RTTN: variants seen among roughly 807,000 people sequenced by gnomAD.
RTTN encodes rotatin.
RTTN carries 182 observed loss-of-function variants against 269.2 expected under a neutral mutation model. The ratio of observed to expected loss-of-function variants is 0.68; its 90% CI spans 0.60 to 0.76. The LOEUF is 0.76. Ranked by LOEUF, RTTN falls within the 30% of genes least tolerant of loss-of-function variation. The pLI is 0.00. For synonymous variants in RTTN, 1,006 were observed against 963.5 expected, an observed-to-expected ratio of 1.04 and a Z score of -0.82; for missense variants, 2,545 against 2,608.6, an observed-to-expected ratio of 0.98 and a Z score of 0.53.
chr18:70,137,073 G>A lies in RTTN; in HGVS notation c.2789-1793C>T, dbSNP rs566303723. On this transcript the variant is annotated intron_variant, in intron 21 of 48. Coordinates refer to ENST00000640769, the MANE Select transcript of RTTN (RefSeq NM_173630.4). ...AAAAATATATTCCTAATGATAACCA[G>A]AACAGTCTTCTTTGGGGAAATTGAG... Among the ~76,000 whole-genome samples, 38 of 152,244 alleles carry A rather than the reference G, an allele frequency of 2.5e-4. 1 individual carries two copies. In the South Asian group the frequency reaches 7.9e-3, roughly 32 times the overall value.
intron 27 of RTTN, among the ~76,000 whole-genome samples, chr18:70,112,520 A>C (rs910135066): frequency 2.7e-5 from 4 of 145,508 alleles, no homozygotes; most frequent in African/African-American, 5.0e-5. Context: ...TACCATCCTT[A>C]TCTCTGATAC....
chr18:70,054,566 A>G (rs568337352), intron 37 of RTTN, among the ~76,000 whole-genome samples: 1 of 152,306 alleles, frequency 6.6e-6, no homozygotes, highest in East Asian at 1.9e-4. Flanking sequence ...TGTGGTAGCT[A>G]ACACACCTGT....
Position 70,176,747 on chromosome 18 carries a change from G to A in RTTN, c.1404C>T (p.His468=). 1 of 1,614,014 alleles carries A rather than the reference G, an allele frequency of 6.2e-7. No individual in the cohort carries two copies. Among genetic ancestry groups the A allele is most frequent in the Non-Finnish European group, 8.5e-7 (1 of 1,179,912 alleles). The change falls in exon 11 of 49, where the codon CAC becomes CAT. Residue 468 remains histidine, a synonymous_variant. Coordinates refer to ENST00000640769, the MANE Select transcript of RTTN (RefSeq NM_173630.4). ...AAATGCTGATAAAGGCCATTCTGTG[G>A]TGCACAAGCATCACCTCTGGCTGCT... ...SLEQPEVMLV[H]HRMAFISISL... is the part of the protein sequence containing the mutation.
chr18:70,010,788 T>C lies in RTTN; in HGVS notation c.6422-4304A>G, dbSNP rs149578692. Among the ~76,000 whole-genome samples the C allele has an allele frequency of 1.5e-3, 229 of 152,184 alleles. 1 individual carries two copies. Among genetic ancestry groups the C allele is most frequent in the African/African-American group, 5.4e-3 (226 of 41,516 alleles). On this transcript the variant is annotated intron_variant, in intron 46 of 48. Transcript: ENST00000640769. ...CACGAAAAACCCTTCAAAAAATCAA[T>C]GAATCCCGGAGCTGGTTTTTGGAAA...
chr18:70,181,426 G>A (rs1387794311), intron 10 of RTTN, among the ~76,000 whole-genome samples: 1 of 152,110 alleles, frequency 6.6e-6, no homozygotes, highest in African/African-American at 2.4e-5. Flanking sequence ...GGAGGACTAG[G>A]GGGAATGACA....
chr18:70,102,153 ATCTG>A lies in RTTN; in HGVS notation c.3903+7341_3903+7344del, dbSNP rs1217919630. Among the ~76,000 whole-genome samples the A allele has an allele frequency of 2.0e-5, 3 of 152,286 alleles. No individual in the cohort carries two copies. The South Asian group carries it at 6.2e-4, about 32-fold the overall frequency. On this transcript the variant is annotated intron_variant, in intron 28 of 48. Transcript: ENST00000640769. ...TCCTTGTTAACTTTCTGTCTCACTG[ATCTG>A]TCTAATGTTGACAGTGGGGTGTTAA...
intron 14 of RTTN, among the ~76,000 whole-genome samples, chr18:70,152,673 C>T (rs1035925446): frequency 2.6e-5 from 4 of 152,072 alleles, no homozygotes; most frequent in African/African-American, 9.7e-5. Context: ...CATCCTTGAT[C>T]ACTCTCTATC....
chr18:70,166,882 A>G, intron 13 of RTTN, 37 bp downstream of exon 13: 2 of 1,360,360 alleles, frequency 1.5e-6, no homozygotes, highest in Middle Eastern at 3.6e-4. Context: ...CTAAGTGTCC[A>G]ATAATAACGT....
chr18:70,170,471 C>T (rs1431098329), intron 11 of RTTN, among the ~76,000 whole-genome samples: 1 of 152,150 alleles, frequency 6.6e-6, no homozygotes, highest in East Asian at 1.9e-4. Context: ...GAAGGCCTCG[C>T]TAATAAGATG....
chr18:70,086,764 GA>G, intron 31 of RTTN, 80 bp from the exon 32 acceptor site: 1 of 1,256,944 alleles, frequency 8.0e-7, no homozygotes, highest in South Asian at 1.3e-5. Flanking sequence ...GGTCATCTCT[GA>G]AATAACCAAT....
chr18:70,203,895 T>C (rs969957558), intron 3 of RTTN, among the ~76,000 whole-genome samples, 191 bp downstream of exon 3: 3 of 152,072 alleles, frequency 2.0e-5, no homozygotes, highest in Non-Finnish European at 4.4e-5. Flanking sequence ...CAAAAAGCAA[T>C]TAATGCAAAT....
intron 34 of RTTN, among the ~76,000 whole-genome samples, chr18:70,072,881 T>G (rs1422909461): frequency 1.3e-5 from 2 of 152,094 alleles, no homozygotes; most frequent in Non-Finnish European, 2.9e-5. Flanking sequence ...AAGGAAAGCA[T>G]GACATCTAGT....
rs200114964 is a variant in RTTN at position 70,188,198 on chromosome 18, A to G, written c.1215T>C (p.Val405=). 3.5e-5 allele frequency: 57 copies of G among 1,606,230 alleles called. No homozygotes were observed. The highest frequency in any genetic ancestry group is 4.5e-5 in the Non-Finnish European group (53 of 1,173,702). The part of the protein sequence containing the change: ...RTGSRQVIIR[V]LELLTEDMTL... Reference sequence around the variant, plus strand: ...TCATATCCTCTGTAAGCAATTCCAGAACTCTTATTATCACTTGTCTGCTAC... The same window carrying G: ...TCATATCCTCTGTAAGCAATTCCAGGACTCTTATTATCACTTGTCTGCTAC... The change falls in exon 10 of 49, where the codon GTT becomes GTC. Residue 405 remains valine, a synonymous_variant. Coordinates refer to ENST00000640769, the MANE Select transcript of RTTN (RefSeq NM_173630.4).
At chr18:70,199,550 T>C (rs754944960) in intron 4 of RTTN, 46 bp from the exon 5 acceptor site, 2 of 1,294,834 alleles carry the variant, frequency 1.5e-6, no homozygotes, top group Non-Finnish European at 2.2e-6. Flanking sequence ...AATAAAGAGA[T>C]GACAGATTCA....
At chr18:70,047,855 T>C (rs570573500) in intron 40 of RTTN, 116 bp downstream of exon 40, 1 of 779,102 alleles carries the variant, frequency 1.3e-6, no homozygotes, top group African/African-American at 1.7e-5. Flanking sequence ...ACAGTCATAA[T>C]AAGCATTACT....
chr18:70,076,399 T>C (rs2058431008), intron 32 of RTTN, among the ~76,000 whole-genome samples: 1 of 152,002 alleles, frequency 6.6e-6, no homozygotes, highest in Non-Finnish European at 1.5e-5. Flanking sequence ...CAAGTTGACC[T>C]TTAACCATAA....
intron 37 of RTTN, among the ~76,000 whole-genome samples, chr18:70,054,898 A>G (rs1274000221): frequency 1.3e-5 from 2 of 152,204 alleles, no homozygotes; most frequent in Non-Finnish European, 2.9e-5. Context: ...AAAAGTGTAT[A>G]ACAAAGCCAT....
chr18:70,005,161 T>G, intron 48 of RTTN, 37 bp downstream of exon 48: 2 of 1,489,466 alleles, frequency 1.3e-6, no homozygotes, highest in Non-Finnish European at 1.9e-6. Context: ...TAATAGCTTC[T>G]GAGTTTAACT....
At chr18:70,095,950 C>A (rs2058991055) in intron 28 of RTTN, among the ~76,000 whole-genome samples, 1 of 151,678 alleles carries the variant, frequency 6.6e-6, no homozygotes, top group Non-Finnish European at 1.5e-5. Flanking sequence ...TAGGTTCACT[C>A]TTTTCACATA....
Sources: gnomAD v4.1 joint callset for allele counts (sites outside exome capture counted in the v4.1 genomes callset) on GRCh38, gnomAD v4.1.1 for gene constraint, MANE v1.5 for transcripts, NCBI Gene and HGNC (gene_info 2026-07-23, HGNC 2026-07-21) for gene names.